CCDC171: variants seen among roughly 807,000 people sequenced by gnomAD.
CCDC171 encodes the protein coiled-coil domain containing 171.
A neutral mutation model predicts 168.2 loss-of-function variants in CCDC171; 177 were observed. That is an observed-to-expected ratio of 1.05 (90% CI 0.93 to 1.19). The LOEUF (loss-of-function observed/expected upper bound fraction) is 1.19, where lower values mean the gene tolerates loss of function less well. Ranked by LOEUF, CCDC171 falls within the 50% of genes most tolerant of loss-of-function variation. The pLI is 0.00. For missense variants in CCDC171, 1,991 were observed against 1,539.0 expected (o/e 1.29, Z -4.91); for synonymous variants, 687 against 540.8 (o/e 1.27, Z -3.75).
intron 25 of CCDC171, among the ~76,000 whole-genome samples, chr9:15,944,460 T>C (rs915993606): frequency 2.0e-5 from 3 of 152,062 alleles, no homozygotes; most frequent in African/African-American, 7.2e-5. Flanking sequence ...TATCTAATAC[T>C]TTCCATGTGT....
chr9:15,757,299 G>C (rs1187152775), intron 18 of CCDC171, among the ~76,000 whole-genome samples: 1 of 152,168 alleles, frequency 6.6e-6, no homozygotes, highest in Non-Finnish European at 1.5e-5. Flanking sequence ...ATGGAGATGA[G>C]GAACTTGTAG....
intron 7 of CCDC171, among the ~76,000 whole-genome samples, chr9:15,639,771 C>A (rs958219307): frequency 6.6e-6 from 1 of 152,114 alleles, no homozygotes; most frequent in African/African-American, 2.4e-5. Flanking sequence ...TTTCTATGTT[C>A]TGCTATGCTT....
chr9:15,642,143 A>T (rs1263809458), intron 7 of CCDC171, among the ~76,000 whole-genome samples: 1 of 151,896 alleles, frequency 6.6e-6, no homozygotes, highest in Non-Finnish European at 1.5e-5. Flanking sequence ...CCTGGGAGAC[A>T]GAGTGAGACT....
intron 25 of CCDC171, among the ~76,000 whole-genome samples, chr9:15,955,824 T>G (rs1262494521): frequency 6.6e-6 from 1 of 152,122 alleles, no homozygotes; most frequent in African/African-American, 2.4e-5. Flanking sequence ...ATCAGGGACT[T>G]ATAGCTTTAG....
the CCDC171 span, among the ~76,000 whole-genome samples, chr9:16,077,697 G>A: frequency 6.6e-6 from 1 of 152,146 alleles, no homozygotes; most frequent in African/African-American, 2.4e-5. Context: ...ACAGATGTAA[G>A]AGGGGAAAAA....
chr9:15,703,769 C>G (rs922626067), intron 11 of CCDC171, among the ~76,000 whole-genome samples: 1 of 152,188 alleles, frequency 6.6e-6, no homozygotes, highest in Non-Finnish European at 1.5e-5. Flanking sequence ...GATACATACT[C>G]AGCAGTGGGA....
At chr9:15,981,366 G>T (rs1831791299) in intron 3 of CCDC171, among the ~76,000 whole-genome samples, 1 of 152,164 alleles carries the variant, frequency 6.6e-6, no homozygotes, top group African/African-American at 2.4e-5. Flanking sequence ...GCTAGGAAGG[G>T]ATCTCTTGTC....
chr9:16,057,283 A>G (rs537901922), intron 1 of CCDC171, among the ~76,000 whole-genome samples: 21 of 152,362 alleles, frequency 1.4e-4, no homozygotes, highest in Admixed American at 9.1e-4. Flanking sequence ...AAGCAAAATC[A>G]AAGCCTCTTA....
chr9:15,627,592 G>T (rs1398261174), intron 7 of CCDC171, among the ~76,000 whole-genome samples: 1 of 152,160 alleles, frequency 6.6e-6, no homozygotes, highest in African/African-American at 2.4e-5. Context: ...AGTCATTCAG[G>T]AGCAGGTTGT....
intron 21 of CCDC171, among the ~76,000 whole-genome samples, chr9:15,794,830 T>C (rs2135680130): frequency 6.6e-6 from 1 of 152,370 alleles, no homozygotes; most frequent in East Asian, 1.9e-4. Flanking sequence ...GTAGTCGTGA[T>C]GATTTTTTAA....
Position 15,821,942 on chromosome 9 carries a change from G to GT in CCDC171, c.3268-24760_3268-24759insT, listed in dbSNP as rs2059790766. ...TACCTGACTTCAAACTATACAACAAGGCTACAGTAACCAAAACACCATGGT... is the reference window on the plus strand; with the variant it reads ...TACCTGACTTCAAACTATACAACAAGTGCTACAGTAACCAAAACACCATGGT... On this transcript the variant is annotated intron_variant, in intron 21 of 25. Coordinates refer to ENST00000380701, the MANE Select transcript of CCDC171 (RefSeq NM_173550.4). 6.1e-5 allele frequency among the ~76,000 whole-genome samples: 3 copies of GT among 48,928 alleles called. 1 individual carries two copies. The highest frequency in any genetic ancestry group is 1.5e-4 in the Non-Finnish European group (3 of 19,528). The allele number at this position is 48,928 out of a possible 152,430, so 32.1% of individuals were successfully genotyped here.
chr9:16,032,925 A>G (rs934806768), intron 6 of CCDC171, among the ~76,000 whole-genome samples: 2 of 152,204 alleles, frequency 1.3e-5, no homozygotes, highest in African/African-American at 4.8e-5. Flanking sequence ...AATGAGCTCT[A>G]AAAGCCTTCT....
At chr9:15,824,157 C>A (rs928447886) in intron 21 of CCDC171, among the ~76,000 whole-genome samples, 3 of 151,918 alleles carry the variant, frequency 2.0e-5, no homozygotes, top group Admixed American at 1.3e-4. Context: ...TGGCTTTTCA[C>A]TTCTGAAATC....
At chr9:16,021,144 A>G (rs1833149378) in intron 4 of CCDC171, among the ~76,000 whole-genome samples, 1 of 152,144 alleles carries the variant, frequency 6.6e-6, no homozygotes, top group Non-Finnish European at 1.5e-5. Context: ...CTGGAGTGCA[A>G]TGGCGTGATC....
chr9:15,560,306 G>C (rs181462125), intron 1 of CCDC171, among the ~76,000 whole-genome samples: 1 of 152,230 alleles, frequency 6.6e-6, no homozygotes, highest in East Asian at 1.9e-4. Flanking sequence ...TCTCCTGGAT[G>C]ATATCCTGAA....
chr9:15,877,282 A>T (rs1406423712), intron 24 of CCDC171, among the ~76,000 whole-genome samples: 1 of 152,146 alleles, frequency 6.6e-6, no homozygotes, highest in Non-Finnish European at 1.5e-5. Flanking sequence ...TACAGTGCCT[A>T]GCCTAGAGAA....
chr9:15,829,593 T>G (rs976878669), intron 21 of CCDC171, among the ~76,000 whole-genome samples: 5 of 152,122 alleles, frequency 3.3e-5, no homozygotes, highest in African/African-American at 1.2e-4. Context: ...CTGCAAAACT[T>G]GCTATGCAAG....
intron 7 of CCDC171, among the ~76,000 whole-genome samples, chr9:15,651,383 A>G (rs2047509943): frequency 6.6e-6 from 1 of 151,444 alleles, no homozygotes; most frequent in Non-Finnish European, 1.5e-5. Context: ...TACTGGGATT[A>G]CAGGCGTGAG....
intron 7 of CCDC171, among the ~76,000 whole-genome samples, chr9:15,629,966 A>C (rs986098953): frequency 7.4e-4 from 112 of 152,302 alleles, no homozygotes; most frequent in Non-Finnish European, 9.7e-4. Context: ...CCTTTACAGA[A>C]AAGCAAATGC....
Sources: gnomAD v4.1 joint callset for allele counts (sites outside exome capture counted in the v4.1 genomes callset) on GRCh38, gnomAD v4.1.1 for gene constraint, MANE v1.5 for transcripts, NCBI Gene and HGNC (gene_info 2026-07-23, HGNC 2026-07-21) for gene names.